MARCHF1: variants seen among roughly 807,000 people sequenced by gnomAD.
MARCHF1 encodes the protein E3 ubiquitin-protein ligase MARCHF1.
In MARCHF1, 40 loss-of-function variants were observed where a neutral mutation model predicts 54.2. The ratio of observed to expected loss-of-function variants is 0.74; its 90% confidence interval spans 0.57 to 0.96. The LOEUF (loss-of-function observed/expected upper bound fraction) is 0.96. MARCHF1 is among the 40% of genes least tolerant of loss of function. The pLI, the probability that MARCHF1 is intolerant of heterozygous loss-of-function variation, is 0.00. For synonymous variants in MARCHF1, 236 were observed against 236.3 expected (o/e 1.00, Z 0.01); for missense variants, 586 against 656.5 (o/e 0.89, Z 1.17).
chr4:163,853,223 T>G (rs1434240540), intron 4 of MARCHF1, among the ~76,000 whole-genome samples: 2 of 151,946 alleles, frequency 1.3e-5, no homozygotes, highest in African/African-American at 2.4e-5. Flanking sequence ...GATTCTTTGT[T>G]CATATTTACT....
intron 2 of MARCHF1, among the ~76,000 whole-genome samples, chr4:164,032,107 A>G (rs1406566041): frequency 6.6e-6 from 1 of 152,130 alleles, no homozygotes; most frequent in East Asian, 1.9e-4. Flanking sequence ...TAGATTTTCT[A>G]GTTTATTTGC....
chr4:163,922,652 T>C (rs2111367932), intron 3 of MARCHF1, among the ~76,000 whole-genome samples: 1 of 152,334 alleles, frequency 6.6e-6, no homozygotes, highest in Admixed American at 6.5e-5. Context: ...CATTTGAATT[T>C]CAAATGTGTC....
intron 5 of MARCHF1, among the ~76,000 whole-genome samples, chr4:163,639,861 C>T (rs11725683): frequency 3.9e-5 from 6 of 151,942 alleles, no homozygotes; most frequent in Middle Eastern, 3.4e-3. Flanking sequence ...GAAACAAAGA[C>T]GAACAGCTAT....
chr4:163,709,908 GTATAAA>G (rs1380152064), intron 4 of MARCHF1, among the ~76,000 whole-genome samples: 1 of 152,116 alleles, frequency 6.6e-6, no homozygotes, highest in East Asian at 1.9e-4. Flanking sequence ...GTAAAGCACT[GTATAAA>G]TATAAACTAG....
At chr4:163,656,494 C>T (rs1743147571) in intron 5 of MARCHF1, among the ~76,000 whole-genome samples, 1 of 150,854 alleles carries the variant, frequency 6.6e-6, no homozygotes, top group South Asian at 2.2e-4. Context: ...GAGATGGTAC[C>T]ATTTCTTCTG....
intron 3 of MARCHF1, among the ~76,000 whole-genome samples, chr4:163,922,502 C>G (rs1040581509): frequency 5.9e-5 from 9 of 152,170 alleles, no homozygotes; most frequent in African/African-American, 9.7e-5. Flanking sequence ...CTCTGGCAGT[C>G]AGGCTTCCTG....
At chr4:163,711,292 TGA>T (rs963617934) in intron 4 of MARCHF1, among the ~76,000 whole-genome samples, 2 of 152,216 alleles carry the variant, frequency 1.3e-5, no homozygotes, top group Non-Finnish European at 2.9e-5. Context: ...AACATTCCAC[TGA>T]GTTTTAAGAT....
chr4:163,777,660 G>T (rs1747343110), intron 4 of MARCHF1, among the ~76,000 whole-genome samples: 1 of 151,726 alleles, frequency 6.6e-6, no homozygotes, highest in Non-Finnish European at 1.5e-5. Context: ...AATTTTTAGG[G>T]GTATAAAGAT....
chr4:163,632,253 C>T (rs930232343), intron 5 of MARCHF1, among the ~76,000 whole-genome samples: 9 of 152,240 alleles, frequency 5.9e-5, no homozygotes, highest in African/African-American at 1.9e-4. Flanking sequence ...CCAAGATGGC[C>T]GAATAGGAAC....
intron 4 of MARCHF1, among the ~76,000 whole-genome samples, chr4:163,704,931 CA>C (rs1405727811): frequency 4.7e-5 from 7 of 149,240 alleles, no homozygotes; most frequent in Non-Finnish European, 7.5e-5. Context: ...AAAGAGAGAA[CA>C]AAAAAAATGA....
At chr4:164,361,299 T>C (rs1198808262) in intron 1 of MARCHF1, among the ~76,000 whole-genome samples, 2 of 152,122 alleles carry the variant, frequency 1.3e-5, no homozygotes, top group Admixed American at 6.6e-5. Flanking sequence ...ATCCTTATTC[T>C]TTTTGCCCAC....
At position 163,612,931 on chromosome 4, in the gene MARCHF1, C is replaced by A. The variant is rs1313831417; in HGVS notation, c.350G>T (p.Arg117Ile). The change falls in exon 7 of 10, where the codon AGA becomes ATA. Residue 117 changes from arginine (R) to isoleucine (I), a missense_variant. Arg to Ile is a moderately conservative substitution (Grantham distance 97, BLOSUM62 -3). This residue lies in a region of MARCHF1 where 387 missense variants were observed against 394.6 expected (regional missense o/e 0.98). Transcript: ENST00000514618. The part of the protein sequence containing the change: ...KESGKKSVIQ[R>I]PRRRRKASER... Reference sequence around the variant, plus strand: ...AGAGGCTTTTCTCCTCCTCCTAGGTCTTTGTATTACTGATTTCTTACCAGA... The same window carrying A: ...AGAGGCTTTTCTCCTCCTCCTAGGTATTTGTATTACTGATTTCTTACCAGA... 14 of 1,535,260 alleles carry A rather than the reference C, an allele frequency of 9.1e-6. No individual in the cohort carries two copies. The highest frequency in any genetic ancestry group is 1.2e-5 in the Non-Finnish European group (14 of 1,146,442).
chr4:163,762,362 T>A (rs1746851804), intron 4 of MARCHF1, among the ~76,000 whole-genome samples: 1 of 152,138 alleles, frequency 6.6e-6, no homozygotes, highest in Non-Finnish European at 1.5e-5. Flanking sequence ...AAAATCATTA[T>A]AAATATGTCT....
At chr4:163,775,094 A>T (rs1166230773) in intron 4 of MARCHF1, among the ~76,000 whole-genome samples, 1 of 152,152 alleles carries the variant, frequency 6.6e-6, no homozygotes, top group African/African-American at 2.4e-5. Context: ...CTTCAGCTCA[A>T]CACTGAACTT....
intron 1 of MARCHF1, among the ~76,000 whole-genome samples, chr4:164,232,481 T>C (rs974399928): frequency 1.1e-4 from 16 of 152,112 alleles, no homozygotes; most frequent in African/African-American, 3.6e-4. Flanking sequence ...CAATGAATGA[T>C]AGCCAATAGC....
At chr4:163,671,497 C>T (rs115887758) in intron 5 of MARCHF1, among the ~76,000 whole-genome samples, 325 of 152,276 alleles carry the variant, frequency 2.1e-3, no homozygotes, top group African/African-American at 7.6e-3. Flanking sequence ...TTACTAATTG[C>T]ATTTTTAAAA....
At chr4:163,822,559 A>T (rs2111058481) in intron 4 of MARCHF1, among the ~76,000 whole-genome samples, 1 of 151,980 alleles carries the variant, frequency 6.6e-6, no homozygotes, top group Admixed American at 6.6e-5. Flanking sequence ...TCAACATTTG[A>T]TTCTGTACTG....
intron 2 of MARCHF1, among the ~76,000 whole-genome samples, chr4:164,022,147 C>A (rs985916271): frequency 2.0e-5 from 3 of 152,114 alleles, no homozygotes; most frequent in African/African-American, 2.4e-5. Context: ...ATTGATTGTG[C>A]AATATCTCTT....
At chr4:164,217,899 A>G (rs568986376) in intron 1 of MARCHF1, among the ~76,000 whole-genome samples, 7 of 152,306 alleles carry the variant, frequency 4.6e-5, no homozygotes, top group Admixed American at 1.3e-4. Context: ...AGGTATTATT[A>G]TAACAAAAAG....
Sources: gnomAD v4.1 joint callset for allele counts (sites outside exome capture counted in the v4.1 genomes callset) on GRCh38, gnomAD v4.1.1 for gene constraint, gnomAD v4.1.1 regional missense constraint, MANE v1.5 for transcripts, NCBI Gene and HGNC (gene_info 2026-07-23, HGNC 2026-07-21) for gene names.